FLG: variants seen among roughly 807,000 people sequenced by gnomAD.
FLG encodes epidermal filaggrin.
A neutral mutation model predicts 3.8 loss-of-function variants in FLG; 6 were observed. That is an observed-to-expected ratio of 1.60 (90% CI 0.87 to 3.15). FLG has a LOEUF of 3.15. FLG is among the 30% of genes most tolerant of loss of function. The probability of loss-of-function intolerance (pLI) is 0.00; values close to 1 mark genes in which losing one functional copy is unlikely to be tolerated. For missense variants in FLG, 7,595 were observed against 5,050.9 expected (o/e 1.50, Z -15.27); for synonymous variants, 2,551 against 1,931.6 (o/e 1.32, Z -8.41).
chr1:152,309,687 T>G lies in FLG; in HGVS notation c.5199A>C (p.Ser1733=), dbSNP rs368391321. The part of the protein sequence containing the change: ...EGHSEESDTQ[S]VSAHGQAGPH... ...GCCCAGCCTGTCCGTGGGCTGACAC[T>G]GACTGTGTGTCTGACTCTTCTGAGT... Residue 1733 remains serine, a synonymous_variant, in exon 3 of 3, where the codon TCA becomes TCC. Transcript: ENST00000368799. 31 of 1,613,818 alleles carry G rather than the reference T, an allele frequency of 1.9e-5. 1 individual carries two copies. The highest frequency in any genetic ancestry group is 2.5e-5 in the Non-Finnish European group (30 of 1,179,942).
Position 152,314,354 on chromosome 1 carries a change from G to A in FLG, c.532C>T (p.His178Tyr). The A allele has an allele frequency of 1.9e-6, 3 of 1,612,198 alleles. No individual in the cohort carries two copies. Among genetic ancestry groups the A allele is most frequent in the Non-Finnish European group, 2.5e-6 (3 of 1,179,346 alleles). The stretch of plus-strand genomic sequence containing the variant: ...TTTTTCTCTTTTTTACTTGAGTTAT[G>A]ATGGTTTTTTCCATATTCTTCTTCT... ...HREEEYGKNH[H>Y]NSSKKEKNKT... The change falls in exon 3 of 3, where the codon CAT becomes TAT. Residue 178 changes from histidine to tyrosine, a missense_variant. His to Tyr is a moderately conservative substitution (Grantham distance 83, BLOSUM62 2). Transcript: ENST00000368799.
Position 152,302,531 on chromosome 1 carries a change from C to A in FLG, c.*169G>T. 2 of 814,120 alleles carry A rather than the reference C, an allele frequency of 2.5e-6. No homozygotes were observed. Among genetic ancestry groups the A allele is most frequent in the Non-Finnish European group, 3.8e-6 (2 of 531,340 alleles). 50.4% of individuals were successfully genotyped at this position (814,120 alleles called of 1,614,324 possible). A position where few individuals can be genotyped will look rare whatever the true frequency, so the allele number is the denominator to read the frequency against. On this transcript the variant is annotated 3_prime_UTR_variant, in exon 3 of 3. Coordinates refer to ENST00000368799, the MANE Select transcript of FLG (RefSeq NM_002016.2). ...TTTCTGAAATATAGCGTTTAAAGAT[C>A]ATTACACAATAAAAATAAGCTACCA...
chr1:152,304,926 A>C lies in FLG; in HGVS notation c.9960T>G (p.Arg3320=). ...CTCTGACTGCAGATGAAGCTTGTCCACGCGGAATGCCTGAGTGTCTGGAGC... is the reference window on the plus strand; with the variant it reads ...CTCTGACTGCAGATGAAGCTTGTCCCCGCGGAATGCCTGAGTGTCTGGAGC... ...ADSSRHSGIP[R]GQASSAVRDS... The change falls in exon 3 of 3, where the codon CGT becomes CGG. Residue 3320 remains arginine (R), a synonymous_variant. Transcript: ENST00000368799. 16 of 1,613,186 alleles carry C rather than the reference A, an allele frequency of 9.9e-6. No individual in the cohort carries two copies. Among genetic ancestry groups the C allele is most frequent in the Non-Finnish European group, 1.1e-5 (13 of 1,179,746 alleles).
Position 152,311,425 on chromosome 1 carries a change from C to G in FLG, c.3461G>C (p.Arg1154Thr), listed in dbSNP as rs768874880. Residue 1154 changes from arginine (R) to threonine (T), a missense_variant, in exon 3 of 3, where the codon AGG (arginine) becomes ACG (threonine). Physicochemically the swap from Arg to Thr is moderately conservative, Grantham distance 71 (BLOSUM62 -1). Coordinates refer to ENST00000368799, the MANE Select transcript of FLG (RefSeq NM_002016.2). ...SHHEQARDSS[R>T]HSASQEGQDT... ...CTGACCCTCTTGGGACGCTGAGTGCCTGGAGCTGTCTCGTGCCTGCTCGTG... is the reference window on the plus strand; with the variant it reads ...CTGACCCTCTTGGGACGCTGAGTGCGTGGAGCTGTCTCGTGCCTGCTCGTG... 5 of 1,613,964 alleles carry G rather than the reference C, an allele frequency of 3.1e-6. No homozygotes were observed. Among genetic ancestry groups the G allele is most frequent in the Non-Finnish European group, 4.2e-6 (5 of 1,179,966 alleles).
At position 152,313,580 on chromosome 1, in the gene FLG, A is replaced by C; in HGVS notation, c.1306T>G (p.Ser436Ala). 6.2e-7 allele frequency: 1 copy of C among 1,613,510 alleles called. No homozygotes were observed. The highest frequency in any genetic ancestry group is 8.5e-7 in the Non-Finnish European group (1 of 1,179,938). The change falls in exon 3 of 3, where the codon TCA becomes GCA. Residue 436 changes from serine (S) to alanine (A), a missense_variant. Ser to Ala is a moderately conservative substitution (Grantham distance 99). Transcript: ENST00000368799. Reference protein sequence around the residue: ...EGHSENSDTQSVSGHGKAGLR... With the variant: ...EGHSENSDTQAVSGHGKAGLR... ...CCAGCCTTTCCGTGGCCTGACACTG[A>C]TTGTGTGTCTGAGTTTTCTGAATGT...
At chr1:152,316,190 A>G (rs1652782890) in intron 1 of FLG, among the ~76,000 whole-genome samples, 1 of 152,166 alleles carries the variant, frequency 6.6e-6, no homozygotes, top group African/African-American at 2.4e-5. Context: ...AGGTGAAACT[A>G]AAATACTGTA....
chr1:152,314,871 T>C (rs1652722390), intron 2 of FLG, 124 bp from the exon 3 acceptor site: 2 of 1,280,274 alleles, frequency 1.6e-6, no homozygotes, highest in African/African-American at 3.0e-5. Context: ...AAATCTTTTT[T>C]TTTTTTAAGA....
Position 152,305,051 on chromosome 1 carries a change from C to A in FLG, c.9835G>T (p.Ala3279Ser), listed in dbSNP as rs115482787. The change falls in exon 3 of 3, where the codon GCA becomes TCA. Residue 3279 changes from alanine (A) to serine (S), a missense_variant. By Grantham distance (99) the Ala-to-Ser change is moderately conservative. Coordinates refer to ENST00000368799, the MANE Select transcript of FLG (RefSeq NM_002016.2). The part of the protein sequence containing the change: ...DRSRQSGTRH[A>S]ETSSGGQAAS... ...GCCTGTCCACCAGAGGAAGTCTCTG[C>A]GTGACGAGTGCCTGATTGTCTGGAG... 3.7e-6 allele frequency: 6 copies of A among 1,613,828 alleles called. No homozygotes were observed. Among genetic ancestry groups the A allele is most frequent in the Middle Eastern group, 3.3e-4 (2 of 6,058 alleles).
chr1:152,309,607 C>G lies in FLG; in HGVS notation c.5279G>C (p.Gly1760Ala), dbSNP rs778313267. The G allele has an allele frequency of 8.1e-6, 13 of 1,613,828 alleles. No individual in the cohort carries two copies. The African/African-American group carries it at 1.3e-4, about 17-fold the overall frequency. Residue 1760 changes from glycine to alanine, a missense_variant, in exon 3 of 3, where the codon GGA becomes GCA. Transcript: ENST00000368799. ...CTGGTAGAGGAAAGACCCTGAACGT[C>G]CAGACCTTTCCCCTGACTGGCCACG... is the stretch of plus-strand genomic sequence containing the variant. ...STRGQSGERS[G>A]RSGSFLYQVS...
chr1:152,308,830 T>A lies in FLG; in HGVS notation c.6056A>T (p.His2019Leu). ...AGCTTGTCCATGCCCAATGCCTGAG[T>A]GTCTGGAGCTGTCTGCTGACTGGAG... ...HQLQSADSSR[H>L]SGIGHGQASS... Residue 2019 changes from histidine (H) to leucine (L), a missense_variant, in exon 3 of 3, where the codon CAC becomes CTC. Physicochemically the swap from His to Leu is moderately conservative, Grantham distance 99. Coordinates refer to ENST00000368799, the MANE Select transcript of FLG (RefSeq NM_002016.2). 1 of 1,614,176 alleles carries A rather than the reference T, an allele frequency of 6.2e-7. No individual in the cohort carries two copies. Among genetic ancestry groups the A allele is most frequent in the African/African-American group, 1.3e-5 (1 of 75,044 alleles).
chr1:152,308,522 C>G lies in FLG; in HGVS notation c.6364G>C (p.Ala2122Pro). 1 of 1,613,512 alleles carries G rather than the reference C, an allele frequency of 6.2e-7. No homozygotes were observed. The highest frequency in any genetic ancestry group is 8.5e-7 in the Non-Finnish European group (1 of 1,179,652). The change falls in exon 3 of 3, where the codon GCA (alanine) becomes CCA (proline). Residue 2122 changes from alanine (A) to proline (P), a missense_variant. Ala to Pro is a conservative substitution (Grantham distance 27). Transcript: ENST00000368799. ...GCTGAGTGCCTGGAGCTGTCTTGTG[C>G]CTGATCATAATGGGATCCTTGTCTT... ...GGRQGSHYDQ[A>P]QDSSRHSASQ...
rs1286387300 is a variant in FLG at position 152,303,884 on chromosome 1, C to T, written c.11002G>A (p.Glu3668Lys). The T allele has an allele frequency of 5.0e-6, 8 of 1,613,808 alleles. No individual in the cohort carries two copies. The highest frequency in any genetic ancestry group is 1.7e-5 in the Admixed American group (1 of 59,988). The change falls in exon 3 of 3, where the codon GAG becomes AAG. Residue 3668 changes from glutamate (E) to lysine (K), a missense_variant. Glu to Lys is a moderately conservative substitution (Grantham distance 56). Coordinates refer to ENST00000368799, the MANE Select transcript of FLG (RefSeq NM_002016.2). The stretch of plus-strand genomic sequence containing the variant: ...GTGTCTGAGTCTTCTGAATGTCCCT[C>T]ACTGTCACTGGCCTGACTACCACTG... ...GSSGSQASDSEGHSEDSDTQS... is the reference protein window; with the variant it reads ...GSSGSQASDSKGHSEDSDTQS...
rs3120643 is a variant in FLG, at chr1:152,304,572, C to T, written c.10314G>A (p.Pro3438=). The stretch of plus-strand genomic sequence containing the variant: ...CCTGCCTTCCTCTTCTGCTTGACCC[C>T]GGGTGTCCACGAATGGTGTCCTGAC... ...QEGQDTIRGH[P]GSSRRGRQGS... Residue 3438 remains proline, a synonymous_variant, in exon 3 of 3, where the codon CCG becomes CCA. Transcript: ENST00000368799. 56 of 1,609,926 alleles carry T rather than the reference C, an allele frequency of 3.5e-5. No individual in the cohort carries two copies. In the East Asian group the frequency reaches 5.4e-4, roughly 15 times the overall value.
rs570371680 is a variant in FLG, at chr1:152,313,144, G to C, written c.1742C>G (p.Thr581Ser). 6.2e-7 allele frequency: 1 copy of C among 1,613,786 alleles called. No individual in the cohort carries two copies. Among genetic ancestry groups the C allele is most frequent in the South Asian group, 1.1e-5 (1 of 91,054 alleles). Reference protein sequence around the residue: ...TRNEEQSGDGTRHSGSRHHEA... With the variant: ...TRNEEQSGDGSRHSGSRHHEA... ...ATGATGACGTGACCCTGAGTGCCTG[G>C]TGCCGTCTCCTGATTGTTCCTCATT... The change falls in exon 3 of 3, where the codon ACC (threonine) becomes AGC (serine). Residue 581 changes from threonine (T) to serine (S), a missense_variant. Coordinates refer to ENST00000368799, the MANE Select transcript of FLG (RefSeq NM_002016.2).
rs550073054 is a variant in FLG at position 152,311,112 on chromosome 1, C to T, written c.3774G>A (p.Ser1258=). 36 of 1,613,476 alleles carry T rather than the reference C, an allele frequency of 2.2e-5. No homozygotes were observed. Among genetic ancestry groups the T allele is most frequent in the East Asian group, 1.1e-4 (5 of 44,808 alleles). The change falls in exon 3 of 3, where the codon TCG becomes TCA. Residue 1258 remains serine (S), a synonymous_variant. Coordinates refer to ENST00000368799, the MANE Select transcript of FLG (RefSeq NM_002016.2). Reference sequence around the variant, plus strand: ...CCTGGTGCCTGCTTGTCCTGGACCCCGATGATTGTTCCTGTCCCACCTGTG... The same window carrying T: ...CCTGGTGCCTGCTTGTCCTGGACCCTGATGATTGTTCCTGTCCCACCTGTG... ...RHSQVGQEQS[S]GSRTSRHQGS...
In FLG at chr1:152,306,636, G is replaced by A. The variant is rs373855593; in HGVS notation, c.8250C>T (p.Ser2750=). 333 of 1,604,314 alleles carry A rather than the reference G, an allele frequency of 2.1e-4. 1 individual carries two copies. The highest frequency in any genetic ancestry group is 3.6e-4 in the East Asian group (16 of 44,794). The part of the protein sequence containing the change: ...YQVSTHEQSE[S]SHGWTGPSTR... Reference sequence around the variant, plus strand: ...TGCTGGGCCCCGTCCATCCATGGGAGGACTCAGACTGTTCATGAGTGCTCA... The same window carrying A: ...TGCTGGGCCCCGTCCATCCATGGGAAGACTCAGACTGTTCATGAGTGCTCA... Residue 2750 remains serine (S), a synonymous_variant, in exon 3 of 3, where the codon TCC becomes TCT. Transcript: ENST00000368799.
rs765221582 is a variant in FLG at position 152,311,147 on chromosome 1, A to G, written c.3739T>C (p.Ser1247Pro). Residue 1247 changes from serine (S) to proline (P), a missense_variant, in exon 3 of 3, where the codon TCT becomes CCT. Transcript: ENST00000368799. ...TCCTGTCCCACCTGTGAGTGTCTAG[A>G]GCTGTCAGCCCAAGAGGCAGCTTCA... ...HHEAASWADSSRHSQVGQEQS... is the reference protein window; with the variant it reads ...HHEAASWADSPRHSQVGQEQS... The G allele has an allele frequency of 1.9e-6, 3 of 1,613,096 alleles. No homozygotes were observed. The African/African-American group carries it at 4.0e-5, about 22-fold the overall frequency.
chr1:152,304,828 T>C lies in FLG; in HGVS notation c.10058A>G (p.Gln3353Arg). The change falls in exon 3 of 3, where the codon CAG becomes CGG. Residue 3353 changes from glutamine to arginine, a missense_variant. Coordinates refer to ENST00000368799, the MANE Select transcript of FLG (RefSeq NM_002016.2). Reference protein sequence around the residue: ...SEGHSEESDTQSVSGHGQAGP... With the variant: ...SEGHSEESDTRSVSGHGQAGP... ...AGCCTGTCCATGGCCTGACACTGAC[T>C]GTGTGTCTGACTCTTCTGAATGTCC... 2.5e-6 allele frequency: 4 copies of C among 1,613,938 alleles called. No individual in the cohort carries two copies. Among genetic ancestry groups the C allele is most frequent in the Non-Finnish European group, 3.4e-6 (4 of 1,179,988 alleles).
Position 152,308,290 on chromosome 1 carries a change from G to C in FLG, c.6596C>G (p.Ser2199Ter), listed in dbSNP as rs756445449. The change falls in exon 3 of 3, where the codon TCA (serine) becomes TGA (stop). Residue 2199 changes from serine (S) to a stop codon, truncating the protein, a stop_gained. Transcript: ENST00000368799. LOFTEE classifies it low-confidence loss of function (END_TRUNC). ...CCCTGAGTGCCTAGAGCCATCTCCT[G>C]ATTGTTCCTTGTCATATGTTTTTCT... is the stretch of plus-strand genomic sequence containing the variant. The part of the protein sequence containing the change: ...ASRKTYDKEQ[S>*]GDGSRHSGSH... 2.5e-6 allele frequency: 4 copies of C among 1,613,526 alleles called. No homozygotes were observed. Among genetic ancestry groups the C allele is most frequent in the South Asian group, 1.1e-5 (1 of 91,056 alleles).
Sources: allele counts gnomAD v4.1 joint callset (sites outside exome capture counted in the v4.1 genomes callset), GRCh38; gene constraint gnomAD v4.1.1; transcripts MANE v1.5; gene names NCBI Gene and HGNC (gene_info 2026-07-23, HGNC 2026-07-21).